Variants in GLCCI1 observed in about 807,000 individuals in gnomAD.
The protein encoded by GLCCI1 is glucocorticoid induced 1.
In GLCCI1, 24 loss-of-function variants were observed where a neutral mutation model predicts 52.2. The ratio of observed to expected loss-of-function variants is 0.46; its 90% CI spans 0.33 to 0.65. The LOEUF (loss-of-function observed/expected upper bound fraction) is 0.65, where lower values mean the gene tolerates loss of function less well. Among genes scored for constraint, GLCCI1 ranks in the 30% least tolerant of loss-of-function variants. The pLI is 0.02. For synonymous variants in GLCCI1, 310 were observed against 276.5 expected (o/e 1.12, Z -1.20); for missense variants, 704 against 701.5 (o/e 1.00, Z -0.04).
At chr7:8,054,078 A>G (rs1468759687) in intron 3 of GLCCI1, among the ~76,000 whole-genome samples, 1 of 152,184 alleles carries the variant, frequency 6.6e-6, no homozygotes, top group African/African-American at 2.4e-5. Context: ...AGTACAGATT[A>G]TATTATTAAT....
At chr7:8,015,368 G>A (rs1358535810) in intron 2 of GLCCI1, among the ~76,000 whole-genome samples, 1 of 152,200 alleles carries the variant, frequency 6.6e-6, no homozygotes, top group African/African-American at 2.4e-5. Context: ...CCTTGTCAAA[G>A]GGCTTGCTTT....
intron 5 of GLCCI1, among the ~76,000 whole-genome samples, chr7:8,067,711 T>C (rs1782662206): frequency 6.6e-6 from 1 of 152,234 alleles, no homozygotes; most frequent in South Asian, 2.1e-4. Context: ...TGCTGAAAGG[T>C]CTTCTGTTGG....
chr7:7,983,000 G>A (rs994070622), intron 1 of GLCCI1, among the ~76,000 whole-genome samples: 2 of 152,074 alleles, frequency 1.3e-5, no homozygotes, highest in Non-Finnish European at 2.9e-5. Context: ...AGTTATGTTA[G>A]CTAGTCTTTA....
chr7:8,052,239 G>A (rs886293342), intron 3 of GLCCI1, among the ~76,000 whole-genome samples: 3 of 152,148 alleles, frequency 2.0e-5, no homozygotes, highest in African/African-American at 7.2e-5. Flanking sequence ...TCAGTCTGGT[G>A]CCTTAATGCT....
intron 3 of GLCCI1, among the ~76,000 whole-genome samples, chr7:8,026,137 A>G (rs1438005065): frequency 6.6e-6 from 1 of 152,208 alleles, no homozygotes; most frequent in Non-Finnish European, 1.5e-5. Flanking sequence ...AGGAGTTAGG[A>G]AAAGGACATA....
At chr7:8,082,369 T>C (rs550234704) in intron 6 of GLCCI1, among the ~76,000 whole-genome samples, 2 of 152,276 alleles carry the variant, frequency 1.3e-5, no homozygotes, top group South Asian at 4.1e-4. Context: ...CCTTTAATTA[T>C]ATAGAAATCC....
chr7:8,032,774 TC>T (rs1157173440), intron 3 of GLCCI1, among the ~76,000 whole-genome samples: 1 of 151,930 alleles, frequency 6.6e-6, no homozygotes, highest in Non-Finnish European at 1.5e-5. Context: ...TTTAAATTCT[TC>T]CCACAGAGAC....
At chr7:8,083,549 C>CTTTTT (rs1299393902) in intron 6 of GLCCI1, among the ~76,000 whole-genome samples, 4 of 152,100 alleles carry the variant, frequency 2.6e-5, no homozygotes, top group African/African-American at 4.8e-5. Flanking sequence ...AAATATTAAA[C>CTTTTT]TTAAGAAAAT....
At chr7:8,067,504 T>C (rs1461045028) in intron 5 of GLCCI1, among the ~76,000 whole-genome samples, 1 of 152,242 alleles carries the variant, frequency 6.6e-6, no homozygotes, top group Non-Finnish European at 1.5e-5. Flanking sequence ...TTGTAGTGGC[T>C]GATAACGTTC....
intron 2 of GLCCI1, among the ~76,000 whole-genome samples, chr7:8,010,492 A>G (rs1424873152): frequency 6.6e-6 from 1 of 152,192 alleles, no homozygotes; most frequent in Non-Finnish European, 1.5e-5. Context: ...TGTGCTTCTC[A>G]GTTCTTGCAG....
At chr7:8,064,809 A>G (rs915642906) in intron 5 of GLCCI1, among the ~76,000 whole-genome samples, 1 of 151,964 alleles carries the variant, frequency 6.6e-6, no homozygotes, top group South Asian at 2.1e-4. Context: ...CCAGGTTCCA[A>G]TGATTCCCCT....
At chr7:8,011,097 C>T (rs1348340963) in intron 2 of GLCCI1, among the ~76,000 whole-genome samples, 3 of 151,566 alleles carry the variant, frequency 2.0e-5, no homozygotes, top group African/African-American at 7.3e-5. Context: ...CCAGCCTGGG[C>T]AACAGAGTGA....
intron 3 of GLCCI1, among the ~76,000 whole-genome samples, chr7:8,047,215 C>A (rs990432218): frequency 1.3e-5 from 2 of 152,190 alleles, no homozygotes; most frequent in African/African-American, 2.4e-5. Context: ...AGTGAAACAT[C>A]ATTTCCCTTT....
At chr7:7,975,546 TC>T (rs1780446132) in intron 1 of GLCCI1, among the ~76,000 whole-genome samples, 1 of 152,210 alleles carries the variant, frequency 6.6e-6, no homozygotes, top group Non-Finnish European at 1.5e-5. Flanking sequence ...TCAAAAAGAC[TC>T]TAATGTTGAT....
intron 6 of GLCCI1, among the ~76,000 whole-genome samples, chr7:8,078,346 G>A (rs1221622923): frequency 1.3e-5 from 2 of 151,884 alleles, no homozygotes; most frequent in Admixed American, 6.6e-5. Flanking sequence ...TATAACTCAC[G>A]TTGACACAGA....
In GLCCI1 at chr7:7,969,297, T is replaced by C. The variant is rs1583931520; in HGVS notation, c.-54T>C. On this transcript the variant is annotated 5_prime_UTR_variant, in exon 1 of 8. Coordinates refer to ENST00000223145, the MANE Select transcript of GLCCI1 (RefSeq NM_138426.4). The surrounding 1 kb of genome is among the most constrained non-coding windows in gnomAD (Gnocchi z 4.9). ...GCCGGCTCCCACACGCTCGCGCGCC[T>C]CCCGCCCCGCGCCTCCGTGTCGGCC... is the stretch of plus-strand genomic sequence containing the variant. 2 of 1,198,536 alleles carry C rather than the reference T, an allele frequency of 1.7e-6. No homozygotes were observed. Among genetic ancestry groups the C allele is most frequent in the Non-Finnish European group, 2.1e-6 (2 of 954,126 alleles). The allele number at this position is 1,198,536 out of a possible 1,614,324, so 74.2% of individuals were successfully genotyped here. A position where few individuals can be genotyped will look rare whatever the true frequency, so the allele number is the denominator to read the frequency against.
At chr7:7,992,014 A>G (rs1008296984) in intron 1 of GLCCI1, among the ~76,000 whole-genome samples, 9 of 151,672 alleles carry the variant, frequency 5.9e-5, no homozygotes, top group Admixed American at 3.3e-4. Flanking sequence ...AGCCAATTCA[A>G]TGACGTTGGA....
chr7:8,039,410 G>A (rs1378144730), intron 3 of GLCCI1, among the ~76,000 whole-genome samples: 2 of 152,074 alleles, frequency 1.3e-5, no homozygotes, highest in African/African-American at 4.8e-5. Context: ...GTGTCTGTGT[G>A]TGTGTATATA....
chr7:8,000,530 G>A (rs1781031707), intron 1 of GLCCI1, among the ~76,000 whole-genome samples: 1 of 151,844 alleles, frequency 6.6e-6, no homozygotes, highest in Non-Finnish European at 1.5e-5. Context: ...ATATAAGTGG[G>A]ATAAGCTCAC....
Sources: gnomAD v4.1 joint callset for allele counts (sites outside exome capture counted in the v4.1 genomes callset) on GRCh38, gnomAD v4.1.1 for gene constraint, Gnocchi (gnomAD v3.1) non-coding constraint, MANE v1.5 for transcripts, NCBI Gene and HGNC (gene_info 2026-07-23, HGNC 2026-07-21) for gene names.